The following OGDH variants were observed in gnomAD, a reference collection of about 807,000 sequenced individuals.
The protein encoded by OGDH is 2-oxoglutarate dehydrogenase complex component E1.
Under a neutral mutation model 116.6 loss-of-function variants are expected in OGDH, and 38 were observed. That is an observed-to-expected ratio of 0.33 (90% CI 0.25 to 0.43). The LOEUF (loss-of-function observed/expected upper bound fraction) is 0.43. Ranked by LOEUF, OGDH falls within the 20% of genes least tolerant of loss-of-function variation. The probability of loss-of-function intolerance (pLI) is 1.00; values close to 1 mark genes in which losing one functional copy is unlikely to be tolerated. For missense variants in OGDH, 825 were observed against 1,357.2 expected (o/e 0.61, Z 6.16); for synonymous variants, 488 against 533.3 (o/e 0.92, Z 1.17).
rs182790187 is a variant in OGDH, at chr7:44,697,315, G to A, written c.2052-55G>A. 69 of 1,609,572 alleles carry A rather than the reference G, an allele frequency of 4.3e-5. No individual in the cohort carries two copies. Among genetic ancestry groups the A allele is most frequent in the African/African-American group, 4.1e-4 (31 of 74,984 alleles). ...CTGGTGCTTCGTGCGGGTCCCCAGC[G>A]TATTTGCTTGTCAAGTCAGAGCTCC... On this transcript the variant is annotated intron_variant, in intron 15 of 22. Transcript: ENST00000222673. The surrounding 1 kb of genome is among the most constrained non-coding windows in gnomAD (Gnocchi z 6.0).
At chr7:44,661,208 C>T (rs1786923859) in intron 4 of OGDH, among the ~76,000 whole-genome samples, 1 of 152,170 alleles carries the variant, frequency 6.6e-6, no homozygotes, top group Non-Finnish European at 1.5e-5. Flanking sequence ...GAATGTCCCT[C>T]TTTGTCTCCA....
Position 44,696,067 on chromosome 7 carries a change from G to A in OGDH, c.1711G>A (p.Ala571Thr). 1.9e-6 allele frequency: 3 copies of A among 1,613,504 alleles called. No individual in the cohort carries two copies. Among genetic ancestry groups the A allele is most frequent in the East Asian group, 2.2e-5 (1 of 44,878 alleles). Residue 571 changes from alanine (A) to threonine (T), a missense_variant, in exon 13 of 23, where the codon GCC (alanine) becomes ACC (threonine). Ala to Thr is a moderately conservative substitution (Grantham distance 58). Around this residue, in one of 7 missense-constraint regions of OGDH, gnomAD observed 146 missense variants for 317.3 expected, o/e 0.46. Coordinates refer to ENST00000222673, the MANE Select transcript of OGDH (RefSeq NM_002541.4). Reference protein sequence around the residue: ...KYDKICEEAFARSKDEKILHI... With the variant: ...KYDKICEEAFTRSKDEKILHI... The stretch of plus-strand genomic sequence containing the variant: ...TGATAAGATCTGTGAGGAAGCTTTT[G>A]CCAGATCTAAAGATGAGAAGATCTT...
intron 1 of OGDH, among the ~76,000 whole-genome samples, chr7:44,610,965 G>A (rs796309861): frequency 6.6e-6 from 1 of 152,136 alleles, no homozygotes; most frequent in South Asian, 2.1e-4. Context: ...TTTTGATGAG[G>A]TCTGGTTTAC....
At chr7:44,682,037 A>G (rs1263891647) in intron 10 of OGDH, among the ~76,000 whole-genome samples, 189 bp downstream of exon 10, 2 of 152,198 alleles carry the variant, frequency 1.3e-5, no homozygotes, top group Non-Finnish European at 2.9e-5. Context: ...GCTTCAGCCC[A>G]TGAGTTTGAG....
At position 44,707,421 on chromosome 7, in the gene OGDH, C is replaced by G. The variant is rs745548331; in HGVS notation, c.2796+33C>G. 1.2e-6 allele frequency: 2 copies of G among 1,612,502 alleles called. No individual in the cohort carries two copies. The highest frequency in any genetic ancestry group is 1.7e-4 in the Middle Eastern group (1 of 6,048). On this transcript the variant is annotated intron_variant, in intron 21 of 22. Transcript: ENST00000222673. This position sits in a 1 kb window ranked among gnomAD's most constrained non-coding sequence, Gnocchi z 5.2. ...CAGGTGGTGCCATCAGGGTGTCCCC[C>G]CAGCGGGGGTCAGGGCTCTGGTGCC...
intron 2 of OGDH, among the ~76,000 whole-genome samples, chr7:44,641,233 T>C (rs1042256730): frequency 1.4e-5 from 2 of 140,368 alleles, no homozygotes; most frequent in African/African-American, 2.6e-5. Context: ...TTCTTTTTTT[T>C]TTTTTTTTTG....
intron 20 of OGDH, among the ~76,000 whole-genome samples, chr7:44,706,782 G>C (rs1471478555): frequency 6.6e-6 from 1 of 151,216 alleles, no homozygotes; most frequent in African/African-American, 2.4e-5. Context: ...CACCATGCCT[G>C]GCTCATTTTT....
intron 1 of OGDH, among the ~76,000 whole-genome samples, chr7:44,607,902 A>G (rs1204890405): frequency 4.0e-5 from 6 of 151,802 alleles, no homozygotes; most frequent in African/African-American, 1.2e-4. Context: ...GGTTTTCACC[A>G]CCTTGGCCAG....
At chr7:44,637,842 A>G (rs1785742713) in intron 2 of OGDH, among the ~76,000 whole-genome samples, 1 of 151,860 alleles carries the variant, frequency 6.6e-6, no homozygotes, top group Admixed American at 6.6e-5. Context: ...AATGGTATTC[A>G]TTTTTTGACA....
chr7:44,678,185 C>G (rs1787781190), intron 9 of OGDH, among the ~76,000 whole-genome samples: 1 of 152,062 alleles, frequency 6.6e-6, no homozygotes, highest in South Asian at 2.1e-4. Flanking sequence ...CCCCCGCAGG[C>G]AGTAACAACA....
chr7:44,615,225 C>A (rs150221432), intron 1 of OGDH, among the ~76,000 whole-genome samples: 1 of 152,314 alleles, frequency 6.6e-6, no homozygotes, highest in East Asian at 1.9e-4. Flanking sequence ...TTGTTTAAAT[C>A]TCTAAGCAAT....
At chr7:44,676,211 T>C in intron 9 of OGDH, 62 bp downstream of exon 9, 6 of 1,613,600 alleles carry the variant, frequency 3.7e-6, no homozygotes, top group Non-Finnish European at 5.1e-6. Flanking sequence ...AGCATGGAGT[T>C]CCGCTCACCA....
chr7:44,625,039 A>G (rs972960077), intron 2 of OGDH, among the ~76,000 whole-genome samples: 3 of 152,088 alleles, frequency 2.0e-5, no homozygotes, highest in African/African-American at 7.2e-5. Flanking sequence ...ACTTCTCTGT[A>G]TTACATATAA....
rs111816655 is a variant in OGDH at position 44,612,842 on chromosome 7, C to A, written c.-28+6189C>A. ...TCCTGAGTAGCTGGGACTGCAGGCA[C>A]GTACCACCACGCCTGGCTGTTTTTT... On this transcript the variant is annotated intron_variant, in intron 1 of 22. Coordinates refer to ENST00000222673, the MANE Select transcript of OGDH (RefSeq NM_002541.4). Among the ~76,000 whole-genome samples, 427 of 151,904 alleles carry A rather than the reference C, an allele frequency of 2.8e-3. 2 individuals are homozygous for A. The highest frequency in any genetic ancestry group is 9.6e-3 in the African/African-American group (399 of 41,412).
chr7:44,617,804 G>A (rs1174536540), intron 1 of OGDH, among the ~76,000 whole-genome samples: 1 of 152,180 alleles, frequency 6.6e-6, no homozygotes, highest in Non-Finnish European at 1.5e-5. Flanking sequence ...AATGATGTGT[G>A]GGTTTTTTTC....
chr7:44,646,759 A>G (rs1786202056), intron 3 of OGDH, among the ~76,000 whole-genome samples: 1 of 152,196 alleles, frequency 6.6e-6, no homozygotes, highest in South Asian at 2.1e-4. Context: ...TCTGTGGTGT[A>G]GCAGGGTTTT....
chr7:44,706,309 AT>A (rs200980019), intron 20 of OGDH, among the ~76,000 whole-genome samples: 2 of 146,616 alleles, frequency 1.4e-5, no homozygotes, highest in East Asian at 2.0e-4. Flanking sequence ...TAAACATGGG[AT>A]TTTTTTTATA....
intron 4 of OGDH, among the ~76,000 whole-genome samples, chr7:44,650,376 A>G (rs1361693718): frequency 6.6e-6 from 1 of 152,106 alleles, no homozygotes; most frequent in African/African-American, 2.4e-5. Flanking sequence ...ATCCCAGCCC[A>G]CTATTACTAG....
intron 5 of OGDH, among the ~76,000 whole-genome samples, chr7:44,668,170 G>A (rs1787267241): frequency 1.3e-5 from 2 of 152,066 alleles, no homozygotes; most frequent in South Asian, 4.2e-4. Context: ...CAGGCACAGT[G>A]TCTCACGCCT....
Sources: gnomAD v4.1 joint callset for allele counts (sites outside exome capture counted in the v4.1 genomes callset) on GRCh38, gnomAD v4.1.1 for gene constraint, gnomAD v4.1.1 regional missense constraint, Gnocchi (gnomAD v3.1) non-coding constraint, MANE v1.5 for transcripts, NCBI Gene and HGNC (gene_info 2026-07-23, HGNC 2026-07-21) for gene names.